EDARADD: variants seen among roughly 807,000 people sequenced by gnomAD.
EDARADD encodes the protein EDAR associated via death domain, also known as ectodysplasin-A receptor-associated adapter protein.
A neutral mutation model predicts 25.6 loss-of-function variants in EDARADD; 20 were observed. The observed-to-expected ratio is 0.78, with a 90% confidence interval of 0.55 to 1.14. EDARADD has a LOEUF of 1.14. Among genes scored for constraint, EDARADD ranks in the 50% most tolerant of loss-of-function variants. The pLI is 0.00. For missense variants in EDARADD, 225 were observed against 270.1 expected (o/e 0.83, Z 1.17); for synonymous variants, 86 against 94.4 (o/e 0.91, Z 0.52).
Position 236,398,182 on chromosome 1 carries a change from T to A in EDARADD, c.61+3677T>A, listed in dbSNP as rs1311530244. On this transcript the variant is annotated intron_variant, in intron 1 of 5. Coordinates refer to ENST00000334232, the MANE Select transcript of EDARADD (RefSeq NM_145861.4). This position sits in a 1 kb window ranked among gnomAD's most constrained non-coding sequence, Gnocchi z 4.1. Reference sequence around the variant, plus strand: ...CTCTGTCACCCAGGCTGGAGTGCAGTGGCGTGATCCCCACTCACTGCAACC... The same window carrying A: ...CTCTGTCACCCAGGCTGGAGTGCAGAGGCGTGATCCCCACTCACTGCAACC... Among the ~76,000 whole-genome samples the A allele has an allele frequency of 2.0e-5, 3 of 152,176 alleles. No homozygotes were observed. The highest frequency in any genetic ancestry group is 4.8e-5 in the African/African-American group (2 of 41,434).
intron 3 of EDARADD, among the ~76,000 whole-genome samples, chr1:236,352,119 T>C (rs1256523039): frequency 1.3e-5 from 2 of 152,172 alleles, no homozygotes; most frequent in African/African-American, 4.8e-5. Flanking sequence ...TATCAGCCCA[T>C]AGCTTCTGTA....
chr1:236,449,506 T>A (rs1184750207), intron 4 of EDARADD, among the ~76,000 whole-genome samples: 1 of 152,260 alleles, frequency 6.6e-6, no homozygotes, highest in Admixed American at 6.5e-5. Context: ...AACATACACC[T>A]TGATGGTTTC....
intron 3 of EDARADD, among the ~76,000 whole-genome samples, chr1:236,359,287 A>G (rs905148379): frequency 6.6e-6 from 1 of 152,200 alleles, no homozygotes; most frequent in South Asian, 2.1e-4. Context: ...GTAATTCCCA[A>G]TGCAACAATC....
intron 4 of EDARADD, among the ~76,000 whole-genome samples, chr1:236,465,702 T>G (rs926190228): frequency 6.6e-6 from 1 of 152,188 alleles, no homozygotes; most frequent in African/African-American, 2.4e-5. Flanking sequence ...TGTCTATGCA[T>G]TGCAATATGG....
chr1:236,377,510 A>G (rs1353561149), intron 3 of EDARADD, among the ~76,000 whole-genome samples: 10 of 150,910 alleles, frequency 6.6e-5, no homozygotes, highest in Admixed American at 6.6e-4. Flanking sequence ...GATAATTCCA[A>G]CATTCCTGCC....
chr1:236,438,016 C>T (rs923905752), intron 4 of EDARADD, among the ~76,000 whole-genome samples: 2 of 152,136 alleles, frequency 1.3e-5, no homozygotes, highest in Admixed American at 6.6e-5. Flanking sequence ...TGCCCAGGGT[C>T]GGTTCCTTCT....
Position 236,483,452 on chromosome 1 carries a change from G to T in EDARADD, c.*803G>T. ...AGAAGATTGACAAACTTATGATAGA[G>T]ATGGATGGAACAGAAAATAAATCTA... On this transcript the variant is annotated 3_prime_UTR_variant, in exon 6 of 6. Coordinates refer to ENST00000334232, the MANE Select transcript of EDARADD (RefSeq NM_145861.4). 1 of 1,046,204 alleles carries T rather than the reference G, an allele frequency of 9.6e-7. No individual in the cohort carries two copies. The highest frequency in any genetic ancestry group is 1.3e-5 in the South Asian group (1 of 79,784). 64.8% of individuals were successfully genotyped at this position (1,046,204 alleles called of 1,614,324 possible). A position where few individuals can be genotyped will look rare whatever the true frequency, so the allele number is the denominator to read the frequency against.
chr1:236,380,004 G>A (rs1667279850), intron 3 of EDARADD, among the ~76,000 whole-genome samples: 1 of 152,170 alleles, frequency 6.6e-6, no homozygotes, highest in Non-Finnish European at 1.5e-5. Context: ...CACAACAGCA[G>A]TGCTGGTTTG....
At chr1:236,428,227 G>A (rs2996457) in intron 4 of EDARADD, among the ~76,000 whole-genome samples, 73,492 of 151,814 alleles carry the variant, frequency 0.48, 18,996 homozygotes, top group Non-Finnish European at 0.59. Context: ...ATCTTGCACC[G>A]CCCTTAATCC....
intron 4 of EDARADD, among the ~76,000 whole-genome samples, chr1:236,464,756 C>G (rs986266905): frequency 6.6e-6 from 1 of 152,070 alleles, no homozygotes; most frequent in African/African-American, 2.4e-5. Context: ...TTTGACACTG[C>G]TCCCCCTGCT....
chr1:236,357,116 A>G (rs1759378), intron 3 of EDARADD, among the ~76,000 whole-genome samples: 74,786 of 149,866 alleles, frequency 0.5, 19,468 homozygotes, highest in East Asian at 0.84. Context: ...AGTTTTTGAT[A>G]GAGCAATAAA....
Position 236,482,884 on chromosome 1 carries a change from T to C in EDARADD, c.*235T>C. On this transcript the variant is annotated 3_prime_UTR_variant, in exon 6 of 6. Transcript: ENST00000334232. The stretch of plus-strand genomic sequence containing the variant: ...TCAAATCTGGAATTAAGAAAACATA[T>C]TTTCTAGTATCCTCTAAGGGCCAAA... The C allele has an allele frequency of 1.6e-6, 1 of 644,368 alleles. No individual in the cohort carries two copies. The highest frequency in any genetic ancestry group is 2.0e-5 in the South Asian group (1 of 50,104). 39.9% of individuals were successfully genotyped at this position (644,368 alleles called of 1,614,324 possible). A position where few individuals can be genotyped will look rare whatever the true frequency, so the allele number is the denominator to read the frequency against.
chr1:236,471,061 A>G (rs896028862), intron 5 of EDARADD, among the ~76,000 whole-genome samples: 3 of 152,130 alleles, frequency 2.0e-5, no homozygotes, highest in African/African-American at 7.2e-5. Flanking sequence ...GTCCTTTTGT[A>G]TGTGAGAGTT....
intron 1 of EDARADD, among the ~76,000 whole-genome samples, chr1:236,399,042 C>T (rs1667569033): frequency 1.3e-5 from 2 of 152,054 alleles, no homozygotes; most frequent in African/African-American, 4.8e-5. Context: ...CCCGTATTGG[C>T]ATTTTAGGAA....
chr1:236,449,330 G>T (rs760494214), intron 4 of EDARADD, among the ~76,000 whole-genome samples: 1 of 152,196 alleles, frequency 6.6e-6, no homozygotes, highest in South Asian at 2.1e-4. Flanking sequence ...TAGGGATTTT[G>T]CAGGGGACAC....
At chr1:236,442,356 C>A (rs1395884489) in intron 4 of EDARADD, among the ~76,000 whole-genome samples, 1 of 152,174 alleles carries the variant, frequency 6.6e-6, no homozygotes, top group Non-Finnish European at 1.5e-5. Context: ...AAACTCCTAA[C>A]CTCAAGTGAT....
At chr1:236,356,297 CAG>C (rs1666974840) in intron 3 of EDARADD, among the ~76,000 whole-genome samples, 1 of 152,160 alleles carries the variant, frequency 6.6e-6, no homozygotes. Context: ...TTTCTGGAAA[CAG>C]TAGAGATTCT....
At chr1:236,464,085 T>C (rs1659114472) in intron 4 of EDARADD, among the ~76,000 whole-genome samples, 1 of 152,130 alleles carries the variant, frequency 6.6e-6, no homozygotes, top group African/African-American at 2.4e-5. Flanking sequence ...ATTTCAGGCC[T>C]ACACAACCAC....
intron 1 of EDARADD, among the ~76,000 whole-genome samples, chr1:236,397,684 A>G (rs1339087047): frequency 1.3e-5 from 2 of 152,190 alleles, no homozygotes; most frequent in Non-Finnish European, 2.9e-5. Context: ...GGCTTCCTAC[A>G]AAGAGAAAGG....
Sources: gnomAD v4.1 joint callset for allele counts (sites outside exome capture counted in the v4.1 genomes callset) on GRCh38, gnomAD v4.1.1 for gene constraint, Gnocchi (gnomAD v3.1) non-coding constraint, MANE v1.5 for transcripts, NCBI Gene and HGNC (gene_info 2026-07-23, HGNC 2026-07-21) for gene names.